Variants in CCDC27 observed in about 807,000 individuals in gnomAD.
CCDC27 encodes the protein coiled-coil domain containing 27.
CCDC27 carries 80 observed loss-of-function variants against 80.3 expected under a neutral mutation model. The observed-to-expected ratio is 1.00, with a 90% confidence interval of 0.83 to 1.20. The LOEUF (loss-of-function observed/expected upper bound fraction) is 1.20, where lower values mean the gene tolerates loss of function less well. CCDC27 is among the 50% of genes most tolerant of loss of function. The pLI is 0.00. For missense variants in CCDC27, 815 were observed against 809.4 expected (o/e 1.01, Z -0.08); for synonymous variants, 342 against 334.3 (o/e 1.02, Z -0.25).
Position 3,763,729 on chromosome 1 carries a change from CA to C in CCDC27, c.1347del (p.Val450TrpfsTer32), listed in dbSNP as rs772074595. On this transcript the variant is annotated frameshift_variant, in exon 8 of 12. Transcript: ENST00000294600. LOFTEE classifies it high-confidence loss of function. The surrounding 1 kb of genome is among the most constrained non-coding windows in gnomAD (Gnocchi z 7.5). Reference sequence around the variant, plus strand: ...AGGAGTGATTGCGTCTTTACAACAACAAGTGGATTTCCAAGAAACCCAGCTG... The same window carrying C: ...AGGAGTGATTGCGTCTTTACAACAACAGTGGATTTCCAAGAAACCCAGCTG... ...ATGVIASLQQ[Q>X]VDFQETQLRK... 62 of 1,614,130 alleles carry C rather than the reference CA, an allele frequency of 3.8e-5. No individual in the cohort carries two copies. The South Asian group carries it at 6.6e-4, about 17-fold the overall frequency.
chr1:3,755,511 G>A lies in CCDC27; in HGVS notation c.497G>A (p.Trp166Ter), dbSNP rs757376567. The A allele has an allele frequency of 3.7e-6, 6 of 1,614,182 alleles. No individual in the cohort carries two copies. The highest frequency in any genetic ancestry group is 3.3e-4 in the Middle Eastern group (2 of 6,062). The change falls in exon 3 of 12, where the codon TGG becomes TAG. Residue 166 changes from tryptophan to a stop codon, truncating the protein, a stop_gained. Transcript: ENST00000294600. LOFTEE classifies it high-confidence loss of function. Reference sequence around the variant, plus strand: ...GAGATTGACAACAGCTCGGAGACCTGGAGAGGCACCCAGGACCTGTTCTTG... The same window carrying A: ...GAGATTGACAACAGCTCGGAGACCTAGAGAGGCACCCAGGACCTGTTCTTG... The part of the protein sequence containing the change: ...SGEIDNSSET[W>*]RGTQDLFLAR...
intron 11 of CCDC27, among the ~76,000 whole-genome samples, chr1:3,770,513 C>T (rs897065852): frequency 6.6e-6 from 1 of 152,236 alleles, no homozygotes; most frequent in Non-Finnish European, 1.5e-5. Flanking sequence ...TGCAAGGTGT[C>T]GTAAGACTCA....
In CCDC27 at chr1:3,763,909, G is replaced by A. The variant is rs1047730811; in HGVS notation, c.1452+73G>A. The stretch of plus-strand genomic sequence containing the variant: ...AGGCTTCATTAACCCCCGGCAGCTC[G>A]GGGCAGGCGCTGCCCGTCCCATCTA... On this transcript the variant is annotated intron_variant, in intron 8 of 11. Coordinates refer to ENST00000294600, the MANE Select transcript of CCDC27 (RefSeq NM_152492.3). This position sits in a 1 kb window ranked among gnomAD's most constrained non-coding sequence, Gnocchi z 7.5. The A allele has an allele frequency of 1.1e-4, 175 of 1,563,400 alleles. No homozygotes were observed. The highest frequency in any genetic ancestry group is 1.4e-4 in the Non-Finnish European group (160 of 1,151,762).
At chr1:3,765,830 T>C (rs1643213947) in intron 8 of CCDC27, among the ~76,000 whole-genome samples, 2 of 152,106 alleles carry the variant, frequency 1.3e-5, no homozygotes, top group African/African-American at 2.4e-5. Flanking sequence ...GTGCTTTGCT[T>C]TGGCATTTTA....
rs752573266 is a variant in CCDC27, at chr1:3,768,287, C to T, written c.1743+842C>T. On this transcript the variant is annotated intron_variant, in intron 10 of 11. Transcript: ENST00000294600. This position sits in a 1 kb window ranked among gnomAD's most constrained non-coding sequence, Gnocchi z 5.6. The stretch of plus-strand genomic sequence containing the variant: ...CAATTTTAAAAGCTTTTTGTAGAGA[C>T]GGTCTCACTATGCTGTCCAGGCTGG... 4.6e-5 allele frequency among the ~76,000 whole-genome samples: 7 copies of T among 152,060 alleles called. No individual in the cohort carries two copies. Among genetic ancestry groups the T allele is most frequent in the African/African-American group, 1.4e-4 (6 of 41,488 alleles).
intron 9 of CCDC27, 69 bp from the exon 10 acceptor site, chr1:3,767,164 G>A: frequency 6.9e-7 from 1 of 1,441,434 alleles, no homozygotes; most frequent in Non-Finnish European, 9.6e-7. Context: ...GGAAAAAGTG[G>A]ATGGGTGCCA....
In CCDC27 at chr1:3,763,304, C is replaced by A; in HGVS notation, c.1151C>A (p.Ser384Ter). Residue 384 changes from serine to a stop codon, truncating the protein, a stop_gained, in exon 7 of 12, where the codon TCA (serine) becomes TAA (stop). Transcript: ENST00000294600. LOFTEE classifies it high-confidence loss of function. This position sits in a 1 kb window ranked among gnomAD's most constrained non-coding sequence, Gnocchi z 7.5. The stretch of plus-strand genomic sequence containing the variant: ...GAGGAAGGGGACAGGGATGAGGACT[C>A]AGAGGAAAGGGAGCTGCCGGAGGAA... ...EEEEGDRDED[S>*]EERELPEEEE... 1 of 1,607,078 alleles carries A rather than the reference C, an allele frequency of 6.2e-7. No individual in the cohort carries two copies. Among genetic ancestry groups the A allele is most frequent in the Non-Finnish European group, 8.5e-7 (1 of 1,176,636 alleles).
At position 3,763,475 on chromosome 1, in the gene CCDC27, G is replaced by T; in HGVS notation, c.1321+1G>T. ...AGGACCAGATACTCCCTTGCAACAG[G>T]TAGGGCCTCGGCGGGGGGCACTGGG... On this transcript the variant is annotated splice_donor_variant, in intron 7 of 11. Transcript: ENST00000294600. LOFTEE classifies it high-confidence loss of function. The surrounding 1 kb of genome is among the most constrained non-coding windows in gnomAD (Gnocchi z 7.5). 1 of 1,589,682 alleles carries T rather than the reference G, an allele frequency of 6.3e-7. No homozygotes were observed. The highest frequency in any genetic ancestry group is 8.6e-7 in the Non-Finnish European group (1 of 1,167,892).
At chr1:3,755,631 T>C in intron 3 of CCDC27, 64 bp downstream of exon 3, 1 of 1,358,926 alleles carries the variant, frequency 7.4e-7, no homozygotes, top group Non-Finnish European at 1.1e-6. Context: ...GCCTGCTTCT[T>C]GCAGGGTCGC....
In CCDC27 at chr1:3,766,645, A is replaced by T. The variant is rs748800417; in HGVS notation, c.1530+33A>T. The T allele has an allele frequency of 1.3e-5, 20 of 1,569,292 alleles. No homozygotes were observed. The South Asian group carries it at 2.1e-4, about 17-fold the overall frequency. On this transcript the variant is annotated intron_variant, in intron 9 of 11. Coordinates refer to ENST00000294600, the MANE Select transcript of CCDC27 (RefSeq NM_152492.3). The surrounding 1 kb of genome is among the most constrained non-coding windows in gnomAD (Gnocchi z 6.1). ...CCTGGGTGTCGTTAAATGATCAGCC[A>T]GGCCACTGTTCTTACTGTAAGTCCC...
At chr1:3,757,466 G>A (rs1642985340) in intron 4 of CCDC27, among the ~76,000 whole-genome samples, 1 of 150,522 alleles carries the variant, frequency 6.6e-6, no homozygotes, top group African/African-American at 2.4e-5. Context: ...TTTGAGACAG[G>A]GTCTCACTCT....
intron 11 of CCDC27, among the ~76,000 whole-genome samples, chr1:3,770,774 C>T (rs1384302505): frequency 2.6e-5 from 4 of 151,834 alleles, no homozygotes; most frequent in Admixed American, 1.3e-4. Flanking sequence ...GAGGTCTCTG[C>T]GGCCTTGGTA....
intron 6 of CCDC27, 31 bp downstream of exon 6, chr1:3,762,743 T>C (rs4648557): frequency 0.24 from 375,460 of 1,538,112 alleles, 47,896 homozygotes; most frequent in Middle Eastern, 0.32. Flanking sequence ...AGGCACGCAG[T>C]GGGGGACCCG....
In CCDC27 at chr1:3,763,055, G is replaced by T. The variant is rs567666396; in HGVS notation, c.955-53G>T. On this transcript the variant is annotated intron_variant, in intron 6 of 11. Transcript: ENST00000294600. The surrounding 1 kb of genome is among the most constrained non-coding windows in gnomAD (Gnocchi z 7.5). The stretch of plus-strand genomic sequence containing the variant: ...CCCGCCATGAGCATTAGAGCCCTCT[G>T]CCCTGGGGGTGCCCCGCAGCCCTGC... The T allele has an allele frequency of 4.6e-4, 660 of 1,447,170 alleles. 1 individual carries two copies. Among genetic ancestry groups the T allele is most frequent in the Non-Finnish European group, 5.9e-4 (644 of 1,099,456 alleles). 89.6% of individuals were successfully genotyped at this position (1,447,170 alleles called of 1,614,324 possible). A position where few individuals can be genotyped will look rare whatever the true frequency, so the allele number is the denominator to read the frequency against.
In CCDC27 at chr1:3,761,015, G is replaced by A. The variant is rs115363106; in HGVS notation, c.712-266G>A. ...AAGGGAAGCTGCCTTGCAACTCCTC[G>A]GACGAGGATTTAGGATCTGTTCTTA... On this transcript the variant is annotated intron_variant, in intron 4 of 11. Transcript: ENST00000294600. The surrounding 1 kb of genome is among the most constrained non-coding windows in gnomAD (Gnocchi z 5.0). 0.012 allele frequency among the ~76,000 whole-genome samples: 1,761 copies of A among 152,266 alleles called. 16 individuals are homozygous for A. Among genetic ancestry groups the A allele is most frequent in the Middle Eastern group, 0.027 (8 of 294 alleles).
chr1:3,771,630 C>T lies in CCDC27; in HGVS notation c.*107C>T. 3 of 1,290,118 alleles carry T rather than the reference C, an allele frequency of 2.3e-6. No individual in the cohort carries two copies. Among genetic ancestry groups the T allele is most frequent in the Non-Finnish European group, 3.2e-6 (3 of 930,866 alleles). 79.9% of individuals were successfully genotyped at this position (1,290,118 alleles called of 1,614,324 possible). ...TGCTCTCAGACTCAGAATTAAACCC[C>T]GGTGTTGGCACTGTCCCACCTTTTT... On this transcript the variant is annotated 3_prime_UTR_variant, in exon 12 of 12. Transcript: ENST00000294600.
At chr1:3,755,435 T>C in intron 2 of CCDC27, 22 bp from the exon 3 acceptor site, 1 of 1,597,726 alleles carries the variant, frequency 6.3e-7, no homozygotes, top group Non-Finnish European at 8.6e-7. Flanking sequence ...AGTCACCAGA[T>C]GGCATCTTTA....
chr1:3,752,613 C>T lies in CCDC27; in HGVS notation c.132C>T (p.Leu44=), dbSNP rs1036462232. Residue 44 remains leucine (L), a synonymous_variant, in exon 1 of 12, where the codon CTC becomes CTT. Transcript: ENST00000294600. ...CACTTGGTCTTTGCATCCCACGCCT[C>T]ATGTTACCTAAGGAGGCCAGCCCAT... The part of the protein sequence containing the change: ...QSSLGLCIPR[L]MLPKEASPSQ... 6.2e-7 allele frequency: 1 copy of T among 1,614,110 alleles called. No homozygotes were observed. Among genetic ancestry groups the T allele is most frequent in the African/African-American group, 1.3e-5 (1 of 74,950 alleles).
chr1:3,754,107 C>A lies in CCDC27; in HGVS notation c.319-11C>A, dbSNP rs113722627. On this transcript the variant is annotated splice_polypyrimidine_tract_variant and intron_variant, in intron 1 of 11. Coordinates refer to ENST00000294600, the MANE Select transcript of CCDC27 (RefSeq NM_152492.3). ...CCTTCCTTGTCTGTCTTACTTTCCC[C>A]GCTCTGCCAGAGTGAACCCAAGGAT... is the stretch of plus-strand genomic sequence containing the variant. The A allele has an allele frequency of 6.2e-7, 1 of 1,612,214 alleles. No individual in the cohort carries two copies. Among genetic ancestry groups the A allele is most frequent in the Non-Finnish European group, 8.5e-7 (1 of 1,179,056 alleles).
Sources: gnomAD v4.1 joint callset for allele counts (sites outside exome capture counted in the v4.1 genomes callset) on GRCh38, gnomAD v4.1.1 for gene constraint, Gnocchi (gnomAD v3.1) non-coding constraint, MANE v1.5 for transcripts, NCBI Gene and HGNC (gene_info 2026-07-23, HGNC 2026-07-21) for gene names.